The following ATG7 variants were observed in gnomAD, a reference collection of about 807,000 sequenced individuals.
ATG7 encodes the protein autophagy related 7.
ATG7 carries 70 observed loss-of-function variants against 82.4 expected under a neutral mutation model. That is an observed-to-expected ratio of 0.85 (90% CI 0.70 to 1.04). The LOEUF (loss-of-function observed/expected upper bound fraction) is 1.04. ATG7 is among the 50% of genes least tolerant of loss of function. The pLI is 0.00. For missense variants in ATG7, 792 were observed against 864.3 expected, an observed-to-expected ratio of 0.92 and a Z score of 1.05; for synonymous variants, 287 against 313.0, an observed-to-expected ratio of 0.92 and a Z score of 0.88.
At chr3:11,293,698 C>T (rs77327553) in intron 3 of ATG7, among the ~76,000 whole-genome samples, 6,530 of 149,630 alleles carry the variant, frequency 0.044, 443 homozygotes, top group African/African-American at 0.14. Context: ...AAATACAAAA[C>T]ATTAGGGCCA....
At chr3:11,369,649 T>C (rs1039382499) in intron 18 of ATG7, among the ~76,000 whole-genome samples, 1 of 151,246 alleles carries the variant, frequency 6.6e-6, no homozygotes. Context: ...TCTAACAATG[T>C]CTGGGCTTCC....
chr3:11,440,100 G>A (rs954010305), intron 20 of ATG7, among the ~76,000 whole-genome samples: 7 of 152,078 alleles, frequency 4.6e-5, no homozygotes, highest in Non-Finnish European at 7.4e-5. Context: ...TTCCAAAAGC[G>A]GTTTTGCTTT....
chr3:11,397,855 G>A (rs2079452796), intron 19 of ATG7, among the ~76,000 whole-genome samples: 1 of 151,188 alleles, frequency 6.6e-6, no homozygotes, highest in Non-Finnish European at 1.5e-5. Context: ...GCCTGAGGTG[G>A]GCGGATCACC....
intron 19 of ATG7, among the ~76,000 whole-genome samples, chr3:11,406,353 G>A (rs2080335414): frequency 6.6e-6 from 1 of 152,036 alleles, no homozygotes; most frequent in Non-Finnish European, 1.5e-5. Flanking sequence ...ACCCAGGCTG[G>A]AGGGCAGTGG....
rs1944656770 is a variant in ATG7, at chr3:11,289,746, A to G, written c.-11+7308A>G. Among the ~76,000 whole-genome samples the G allele has an allele frequency of 1.3e-5, 2 of 152,070 alleles. 1 individual carries two copies. ...CAAATTTTAAAACTTTTTTTGTAGA[A>G]ATGGGGTCTCACCATGTTGCCCAGG... On this transcript the variant is annotated intron_variant, in intron 3 of 20. Coordinates refer to ENST00000693202, the MANE Select transcript of ATG7 (RefSeq NM_001349232.2).
chr3:11,417,805 A>ATTTTTTTT lies in ATG7; in HGVS notation c.1957-8995_1957-8994insTTTTTTTT, dbSNP rs200364263. Among the ~76,000 whole-genome samples, 18 of 52,744 alleles carry ATTTTTTTT rather than the reference A, an allele frequency of 3.4e-4. 1 individual carries two copies. The highest frequency in any genetic ancestry group is 1.4e-3 in the South Asian group (2 of 1,410). 34.6% of individuals were successfully genotyped at this position (52,744 alleles called of 152,430 possible). A position where few individuals can be genotyped will look rare whatever the true frequency, so the allele number is the denominator to read the frequency against. Reference sequence around the variant, plus strand: ...AAAAAATTATTATTATTATTATTTTATTTTATTTTATTTTTTTTTTTTTTG... The same window carrying ATTTTTTTT: ...AAAAAATTATTATTATTATTATTTTATTTTTTTTTTTTATTTTATTTTTTTTTTTTTTG... On this transcript the variant is annotated intron_variant, in intron 19 of 20. Coordinates refer to ENST00000693202, the MANE Select transcript of ATG7 (RefSeq NM_001349232.2).
intron 19 of ATG7, among the ~76,000 whole-genome samples, chr3:11,393,238 A>G (rs1422873339): frequency 1.3e-5 from 2 of 152,090 alleles, no homozygotes; most frequent in East Asian, 1.9e-4. Context: ...ATTGAATTCT[A>G]TTGTTTTCAT....
chr3:11,479,970 C>T (rs1001349999), intron 20 of ATG7, among the ~76,000 whole-genome samples: 2 of 151,820 alleles, frequency 1.3e-5, no homozygotes, highest in East Asian at 1.9e-4. Flanking sequence ...CTCTGTCGCC[C>T]AGGCTGGAGT....
At chr3:11,366,108 C>T (rs373975090) in intron 18 of ATG7, among the ~76,000 whole-genome samples, 4 of 151,502 alleles carry the variant, frequency 2.6e-5, no homozygotes, top group East Asian at 3.9e-4. Context: ...ATCCCAGCTA[C>T]TCAGGAGGCT....
chr3:11,386,645 A>G (rs1481299199), intron 19 of ATG7, among the ~76,000 whole-genome samples: 1 of 152,194 alleles, frequency 6.6e-6, no homozygotes. Context: ...TCTCCTTTCC[A>G]AAAGGGATAT....
chr3:11,478,002 A>G (rs745741064), intron 20 of ATG7, among the ~76,000 whole-genome samples: 1 of 152,086 alleles, frequency 6.6e-6, no homozygotes, highest in African/African-American at 2.4e-5. Flanking sequence ...GATTGCCCCT[A>G]CTTGGCTCAT....
At chr3:11,383,695 G>GC (rs2078094942) in intron 19 of ATG7, among the ~76,000 whole-genome samples, 1 of 152,108 alleles carries the variant, frequency 6.6e-6, no homozygotes, top group African/African-American at 2.4e-5. Context: ...TGATCCGCCC[G>GC]CCTCAGCCTC....
chr3:11,514,109 TA>T (rs1431988102), intron 20 of ATG7, among the ~76,000 whole-genome samples: 3 of 152,220 alleles, frequency 2.0e-5, no homozygotes, highest in Non-Finnish European at 2.9e-5. Flanking sequence ...CTGTCTCATC[TA>T]ATCCTGATAA....
intron 20 of ATG7, among the ~76,000 whole-genome samples, chr3:11,530,596 C>T (rs1322501489): frequency 6.6e-6 from 1 of 152,166 alleles, no homozygotes; most frequent in Non-Finnish European, 1.5e-5. Flanking sequence ...TGAGACCAAC[C>T]GCTGTTGCCC....
chr3:11,452,322 T>C (rs189764145), intron 20 of ATG7, among the ~76,000 whole-genome samples: 40 of 136,006 alleles, frequency 2.9e-4, no homozygotes, highest in African/African-American at 1.1e-3. Context: ...GAGGTGGAGG[T>C]TGCAGTGAGC....
intron 1 of ATG7, among the ~76,000 whole-genome samples, chr3:11,275,255 C>G (rs1559304615): frequency 6.6e-6 from 1 of 152,128 alleles, no homozygotes; most frequent in Non-Finnish European, 1.5e-5. Context: ...TAGATTAACC[C>G]TGACCTCTGA....
chr3:11,323,231 A>G (rs1001984390), intron 9 of ATG7, among the ~76,000 whole-genome samples: 3 of 152,212 alleles, frequency 2.0e-5, no homozygotes, highest in African/African-American at 7.2e-5. Context: ...TACTACCACC[A>G]TGGCCAATTG....
chr3:11,296,086 C>G (rs1197308174), intron 3 of ATG7, among the ~76,000 whole-genome samples: 1 of 152,148 alleles, frequency 6.6e-6, no homozygotes, highest in East Asian at 1.9e-4. Flanking sequence ...CCTACTGGTT[C>G]TATTTCTTTT....
chr3:11,394,665 G>A (rs981378430), intron 19 of ATG7, among the ~76,000 whole-genome samples: 2 of 152,130 alleles, frequency 1.3e-5, no homozygotes, highest in African/African-American at 4.8e-5. Flanking sequence ...TAGGAGTAAG[G>A]GTGAAGTGGG....
Sources: allele counts gnomAD v4.1 joint callset (sites outside exome capture counted in the v4.1 genomes callset), GRCh38; gene constraint gnomAD v4.1.1; transcripts MANE v1.5; gene names NCBI Gene and HGNC (gene_info 2026-07-23, HGNC 2026-07-21).